The following DOCK11 variants were observed in gnomAD, a reference collection of about 807,000 sequenced individuals.
DOCK11 encodes the protein dedicator of cytokinesis 11.
DOCK11 carries 70 observed loss-of-function variants against 169.1 expected under a neutral mutation model. That is an observed-to-expected ratio of 0.41 (90% confidence interval 0.34 to 0.51). The LOEUF (loss-of-function observed/expected upper bound fraction) is 0.51. Among genes scored for constraint, DOCK11 ranks in the 20% least tolerant of loss-of-function variants. The pLI, the probability that DOCK11 is intolerant of heterozygous loss-of-function variation, is 0.10. For synonymous variants in DOCK11, 529 were observed against 541.3 expected, an observed-to-expected ratio of 0.98 and a Z score of 0.32; for missense variants, 1,166 against 1,538.8, an observed-to-expected ratio of 0.76 and a Z score of 4.05.
rs201026928 is a variant in DOCK11 at position 118,675,884 on chromosome X, A to G, written c.5200-52A>G. On this transcript the variant is annotated intron_variant, in intron 46 of 52. Coordinates refer to ENST00000276202, the MANE Select transcript of DOCK11 (RefSeq NM_144658.4). ...ATTTTTGTACATTCATCTTGAAGAC[A>G]TTTAGTAATTAAACAAAAAACAAAG... 296 of 742,912 alleles carry G rather than the reference A, an allele frequency of 4.0e-4. 3 individuals carry two copies. The East Asian group carries it at 8.2e-3, about 21-fold the overall frequency. The allele number at this position is 742,912 out of a possible 1,213,427, so 61.2% of individuals were successfully genotyped here. A position where few individuals can be genotyped will look rare whatever the true frequency, so the allele number is the denominator to read the frequency against.
chrX:118,626,406 C>T (rs1017610267), intron 32 of DOCK11, among the ~76,000 whole-genome samples: 1 of 111,226 alleles, frequency 9.0e-6, no homozygotes, highest in Non-Finnish European at 1.9e-5. Flanking sequence ...ACCCCTTTTC[C>T]AAATATGCTT....
intron 32 of DOCK11, among the ~76,000 whole-genome samples, chrX:118,626,747 G>A (rs2015115284): frequency 8.9e-6 from 1 of 112,185 alleles, no homozygotes; most frequent in Admixed American, 9.4e-5. Context: ...ACCTACCTGA[G>A]TGTCAGGCTG....
chrX:118,559,230 T>A (rs887758420), intron 6 of DOCK11, among the ~76,000 whole-genome samples: 5 of 111,421 alleles, frequency 4.5e-5, no homozygotes, highest in African/African-American at 1.3e-4. Flanking sequence ...GAAAAAAAAA[T>A]TTCTCAGACT....
chrX:118,678,674 T>A (rs1403662403), intron 48 of DOCK11, among the ~76,000 whole-genome samples: 1 of 109,526 alleles, frequency 9.1e-6, no homozygotes, highest in African/African-American at 3.3e-5. Flanking sequence ...GGTTCCACCA[T>A]GTTGGCCAGG....
chrX:118,630,377 A>G lies in DOCK11; in HGVS notation c.3775-2A>G, dbSNP rs2015207212. 1.7e-6 allele frequency: 2 copies of G among 1,177,410 alleles called. No homozygotes were observed. Among genetic ancestry groups the G allele is most frequent in the Non-Finnish European group, 2.3e-6 (2 of 868,683 alleles). On this transcript the variant is annotated splice_acceptor_variant, in intron 34 of 52. Coordinates refer to ENST00000276202, the MANE Select transcript of DOCK11 (RefSeq NM_144658.4). LOFTEE classifies it high-confidence loss of function. ...TATTTCACGAACATCCTGTCCTTACAGACCCGACAGAGTTCTACAAGGAGT... is the reference window on the plus strand; with the variant it reads ...TATTTCACGAACATCCTGTCCTTACGGACCCGACAGAGTTCTACAAGGAGT...
chrX:118,625,624 T>C (rs902856116), intron 32 of DOCK11, among the ~76,000 whole-genome samples: 2 of 112,412 alleles, frequency 1.8e-5, no homozygotes, highest in Non-Finnish European at 3.8e-5. Context: ...TGTTGTTGTA[T>C]GGCTTCATAC....
intron 1 of DOCK11, among the ~76,000 whole-genome samples, chrX:118,532,788 A>AAAT (rs1197479758): frequency 6.5e-5 from 7 of 107,640 alleles, no homozygotes; most frequent in African/African-American, 1.0e-4. Context: ...CTCAAAAAAA[A>AAAT]AAAAAAAAAA....
intron 45 of DOCK11, among the ~76,000 whole-genome samples, chrX:118,668,779 A>T (rs932233590): frequency 2.7e-5 from 3 of 111,431 alleles, no homozygotes; most frequent in African/African-American, 9.8e-5. Context: ...TATATTGATA[A>T]GGAGAAGGAT....
At chrX:118,593,472 G>A in intron 20 of DOCK11, 135 bp downstream of exon 20, 1 of 580,628 alleles carries the variant, frequency 1.7e-6, no homozygotes, top group Non-Finnish European at 2.4e-6. Context: ...TTTTCATGCT[G>A]CTGATAAAGA....
chrX:118,604,571 AATG>A (rs113384864), intron 23 of DOCK11, among the ~76,000 whole-genome samples: 5,099 of 78,657 alleles, frequency 0.065, 172 homozygotes, highest in Non-Finnish European at 0.078. Context: ...TGAGTGAGTG[AATG>A]ATGTGGAGAG....
intron 40 of DOCK11, among the ~76,000 whole-genome samples, chrX:118,645,885 TAAAA>T (rs1255554011): frequency 2.7e-5 from 2 of 74,790 alleles, no homozygotes; most frequent in African/African-American, 5.1e-5. Flanking sequence ...TGTCTCTAGT[TAAAA>T]AAAAAAAAAA....
At chrX:118,600,432 GA>G (rs1053115347) in intron 23 of DOCK11, among the ~76,000 whole-genome samples, 1 of 102,385 alleles carries the variant, frequency 9.8e-6, no homozygotes, top group Non-Finnish European at 2.0e-5. Context: ...AAAGAAAAAA[GA>G]AAAAGATTAG....
intron 14 of DOCK11, among the ~76,000 whole-genome samples, chrX:118,583,891 CA>C (rs1164408267): frequency 5.4e-5 from 6 of 111,323 alleles, no homozygotes; most frequent in African/African-American, 2.0e-4. Context: ...TGAATAATGA[CA>C]AGAAAGTCTA....
chrX:118,609,163 G>A, intron 26 of DOCK11, 115 bp from the exon 27 acceptor site: 1 of 510,841 alleles, frequency 2.0e-6, no homozygotes, highest in South Asian at 3.2e-5. Context: ...TAGTGACTTG[G>A]GATCACTTGA....
rs550969902 is a variant in DOCK11 at position 118,510,287 on chromosome X, G to A, written c.102+14214G>A. Among the ~76,000 whole-genome samples, 33 of 112,433 alleles carry A rather than the reference G, an allele frequency of 2.9e-4. No homozygotes were observed. In the South Asian group the frequency reaches 8.7e-3, roughly 30 times the overall value. ...ACAGGGATCTGGCAAACAGCCAGGCGCAGAAGTCTTCATAGAATTCAAATG... is the reference window on the plus strand; with the variant it reads ...ACAGGGATCTGGCAAACAGCCAGGCACAGAAGTCTTCATAGAATTCAAATG... On this transcript the variant is annotated intron_variant, in intron 1 of 52. Coordinates refer to ENST00000276202, the MANE Select transcript of DOCK11 (RefSeq NM_144658.4).
intron 18 of DOCK11, among the ~76,000 whole-genome samples, chrX:118,589,850 C>G (rs1470021476): frequency 2.7e-5 from 3 of 112,446 alleles, no homozygotes; most frequent in African/African-American, 9.7e-5. Context: ...TGAGGGGGAG[C>G]CTCTCATATT....
chrX:118,511,829 C>T (rs1350783678), intron 1 of DOCK11, among the ~76,000 whole-genome samples: 1 of 112,048 alleles, frequency 8.9e-6, no homozygotes, highest in African/African-American at 3.2e-5. Context: ...CAGATACCGT[C>T]GTTCAGTTCA....
At chrX:118,618,865 G>T (rs1569431769) in intron 31 of DOCK11, 137 bp downstream of exon 31, 7 of 445,954 alleles carry the variant, frequency 1.6e-5, no homozygotes, top group East Asian at 5.2e-5. Flanking sequence ...ATCATAAGTT[G>T]TTTTTTTTTT....
At chrX:118,547,434 G>T (rs1439512304) in intron 6 of DOCK11, among the ~76,000 whole-genome samples, 1 of 111,359 alleles carries the variant, frequency 9.0e-6, no homozygotes, top group African/African-American at 3.3e-5. Flanking sequence ...CCTGTATATC[G>T]CTTGCACCTA....
Sources: allele counts gnomAD v4.1 joint callset (sites outside exome capture counted in the v4.1 genomes callset), GRCh38; gene constraint gnomAD v4.1.1; transcripts MANE v1.5; gene names NCBI Gene and HGNC (gene_info 2026-07-23, HGNC 2026-07-21).